ZNF596: variants seen among roughly 807,000 people sequenced by gnomAD.
ZNF596 encodes zinc finger protein 596.
In ZNF596, 45 loss-of-function variants were observed where a neutral mutation model predicts 48.3. The ratio of observed to expected loss-of-function variants is 0.93; its 90% CI spans 0.73 to 1.19. ZNF596 has a LOEUF of 1.19. Ranked by LOEUF, ZNF596 falls within the 50% of genes most tolerant of loss-of-function variation. The probability of loss-of-function intolerance (pLI) is 0.00; values close to 1 mark genes in which losing one functional copy is unlikely to be tolerated. For missense variants in ZNF596, 848 were observed against 599.7 expected, an observed-to-expected ratio of 1.41 and a Z score of -4.32; for synonymous variants, 270 against 202.0, an observed-to-expected ratio of 1.34 and a Z score of -2.85.
intron 1 of ZNF596, chr8:234,209 A>G (rs1378222142): frequency 7.2e-5 from 11 of 152,440 alleles, no homozygotes; most frequent in Non-Finnish European, 1.2e-4. Flanking sequence ...TGTGCTCAGC[A>G]GGTACTAGCA....
chr8:244,487 A>T, intron 4 of ZNF596, 132 bp from the exon 5 acceptor site: 1 of 681,868 alleles, frequency 1.5e-6, no homozygotes, highest in Non-Finnish European at 2.6e-6. Flanking sequence ...TCTTCTCCTT[A>T]AAGTATGGTT....
chr8:244,299 T>C (rs1259040759), intron 4 of ZNF596: 1 of 292,030 alleles, frequency 3.4e-6, no homozygotes, highest in Non-Finnish European at 6.3e-6. Flanking sequence ...TATTCAAGTA[T>C]CTCTCTGTCA....
At chr8:244,793 A>C in intron 5 of ZNF596, 92 bp downstream of exon 5, 1 of 1,031,034 alleles carries the variant, frequency 9.7e-7, no homozygotes, top group Non-Finnish European at 1.5e-6. Context: ...GACTGTACTT[A>C]AAGCCCTCCC....
chr8:236,957 G>C (rs934282379), intron 1 of ZNF596: 1 of 152,148 alleles, frequency 6.6e-6, no homozygotes, highest in Admixed American at 6.5e-5. Context: ...AAATAACTTA[G>C]GTTACAAAGG....
intron 1 of ZNF596, among the ~76,000 whole-genome samples, chr8:234,026 G>T (rs1563060961): frequency 6.6e-6 from 1 of 152,204 alleles, no homozygotes; most frequent in Non-Finnish European, 1.5e-5. Context: ...GACAGGGAAA[G>T]AGCAAGACTT....
chr8:244,311 T>C (rs1319147502), intron 4 of ZNF596: 2 of 311,654 alleles, frequency 6.4e-6, no homozygotes, highest in Non-Finnish European at 1.2e-5. Flanking sequence ...TCTCTGTCAT[T>C]GTCTTTGTCT....
At chr8:240,769 A>G in intron 1 of ZNF596, 55 bp from the exon 2 acceptor site, 1 of 1,199,694 alleles carries the variant, frequency 8.3e-7, no homozygotes, top group Non-Finnish European at 1.2e-6. Flanking sequence ...GGCAGATGTT[A>G]GAAGCAAAAC....
chr8:236,015 C>G (rs1170872831), intron 1 of ZNF596, among the ~76,000 whole-genome samples: 1 of 152,108 alleles, frequency 6.6e-6, no homozygotes, highest in East Asian at 1.9e-4. Flanking sequence ...ACTTTTAAGT[C>G]TAGGTTGCCC....
Position 246,374 on chromosome 8 carries a change from T to A in ZNF596, c.*12T>A, listed in dbSNP as rs111842987. The A allele has an allele frequency of 1.9e-6, 3 of 1,562,664 alleles. No homozygotes were observed. The highest frequency in any genetic ancestry group is 2.6e-6 in the Non-Finnish European group (3 of 1,160,358). ...CAATGAATATGTAAGAATCATCAGC[T>A]GTAGCGTTAACACTAAATACACCAA... On this transcript the variant is annotated 3_prime_UTR_variant, in exon 6 of 6. Coordinates refer to ENST00000398612, the MANE Select transcript of ZNF596 (RefSeq NM_001042416.3).
rs1797047794 is a variant in ZNF596, at chr8:245,741, G to A, written c.894G>A (p.Glu298=). ...FTHCSDLRKH[E]RTHLGDKPYG... ...ATTGCTCTGACCTTAGAAAACATGA[G>A]AGAACTCACTTAGGAGATAAACCAT... Residue 298 remains glutamate, a synonymous_variant, in exon 6 of 6, where the codon GAG becomes GAA. Transcript: ENST00000398612. The A allele has an allele frequency of 1.2e-6, 2 of 1,614,000 alleles. No homozygotes were observed. Among genetic ancestry groups the A allele is most frequent in the Admixed American group, 1.7e-5 (1 of 59,994 alleles).
At chr8:241,233 A>G (rs958409259) in intron 2 of ZNF596, among the ~76,000 whole-genome samples, 1 of 152,058 alleles carries the variant, frequency 6.6e-6, no homozygotes, top group African/African-American at 2.4e-5. Flanking sequence ...CTCATTACCT[A>G]TGTTATTGGC....
intron 1 of ZNF596, among the ~76,000 whole-genome samples, chr8:239,659 G>A (rs925126087): frequency 2.0e-5 from 3 of 152,204 alleles, no homozygotes; most frequent in Non-Finnish European, 2.9e-5. Context: ...TTAGGTTTAG[G>A]AGGTCTGTCT....
Position 246,267 on chromosome 8 carries a change from C to T in ZNF596, c.1420C>T (p.Pro474Ser). The T allele has an allele frequency of 1.2e-6, 2 of 1,613,076 alleles. No individual in the cohort carries two copies. The highest frequency in any genetic ancestry group is 1.7e-6 in the Non-Finnish European group (2 of 1,179,526). ...TAGAAGAGTTCACACTGGAGAGAAACCATATGTATGTCCTCTATGTGGGAA... is the reference window on the plus strand; with the variant it reads ...TAGAAGAGTTCACACTGGAGAGAAATCATATGTATGTCCTCTATGTGGGAA... ...LHRRVHTGEK[P>S]YVCPLCGKAF... Residue 474 changes from proline to serine, a missense_variant, in exon 6 of 6, where the codon CCA (proline) becomes TCA (serine). Coordinates refer to ENST00000398612, the MANE Select transcript of ZNF596 (RefSeq NM_001042416.3).
intron 2 of ZNF596, among the ~76,000 whole-genome samples, chr8:242,175 C>T (rs17206109): frequency 0.048 from 7,237 of 152,266 alleles, 236 homozygotes; most frequent in Non-Finnish European, 0.065. Flanking sequence ...ATGAGACCAT[C>T]TTTCAGTACT....
chr8:233,569 T>G (rs1476427396), intron 1 of ZNF596: 1 of 158,608 alleles, frequency 6.3e-6, no homozygotes, highest in Non-Finnish European at 1.4e-5. Context: ...AGTTTCCAAC[T>G]AAGTTTAAGT....
chr8:236,792 G>A (rs1029689647), intron 1 of ZNF596, among the ~76,000 whole-genome samples: 2 of 152,160 alleles, frequency 1.3e-5, no homozygotes, highest in Non-Finnish European at 2.9e-5. Context: ...TGGCCAGGTG[G>A]CCAAAATAAA....
chr8:232,185 A>T (rs1796422581), upstream of ZNF596: 1 of 153,416 alleles, frequency 6.5e-6, no homozygotes, highest in South Asian at 2.0e-4. Context: ...ACGCACTCCA[A>T]CAGAACCCGA....
At chr8:244,854 A>G (rs1304167898) in intron 5 of ZNF596, among the ~76,000 whole-genome samples, 153 bp downstream of exon 5, 1 of 152,174 alleles carries the variant, frequency 6.6e-6, no homozygotes, top group Non-Finnish European at 1.5e-5. Flanking sequence ...TCAAATCAAA[A>G]CCATAATATG....
intron 1 of ZNF596, among the ~76,000 whole-genome samples, chr8:235,476 A>C (rs891875581): frequency 6.6e-6 from 1 of 151,736 alleles, no homozygotes; most frequent in South Asian, 2.1e-4. Flanking sequence ...TACTGTATGT[A>C]TGTTTTTTTT....
Sources: allele counts gnomAD v4.1 joint callset (sites outside exome capture counted in the v4.1 genomes callset), GRCh38; gene constraint gnomAD v4.1.1; transcripts MANE v1.5; gene names NCBI Gene and HGNC (gene_info 2026-07-23, HGNC 2026-07-21).